The following UMAD1 variants were observed in gnomAD, a reference collection of about 807,000 sequenced individuals.
UMAD1 encodes UBAP1-MVB12-associated (UMA) domain containing 1, also known as UBAP1-MVB12-associated (UMA)-domain containing protein 1.
UMAD1 carries 8 observed loss-of-function variants against 6.1 expected under a neutral mutation model. The ratio of observed to expected loss-of-function variants is 1.30; its 90% confidence interval spans 0.76 to 2.35. The LOEUF (loss-of-function observed/expected upper bound fraction) is 2.35, where lower values mean the gene tolerates loss of function less well. Ranked by LOEUF, UMAD1 falls within the 30% of genes most tolerant of loss-of-function variation. The pLI is 0.00. For missense variants in UMAD1, 130 were observed against 78.4 expected (o/e 1.66, Z -2.49); for synonymous variants, 56 against 31.4 (o/e 1.78, Z -2.61).
intron 3 of UMAD1, among the ~76,000 whole-genome samples, chr7:7,866,901 A>G (rs546431434): frequency 1.3e-5 from 2 of 152,304 alleles, no homozygotes; most frequent in South Asian, 2.1e-4. Flanking sequence ...TTCCAGGAAG[A>G]AGACCTTAGT....
At chr7:7,850,289 C>A (rs954728133) in intron 3 of UMAD1, among the ~76,000 whole-genome samples, 1 of 152,028 alleles carries the variant, frequency 6.6e-6, no homozygotes, top group Non-Finnish European at 1.5e-5. Flanking sequence ...TTACATCATT[C>A]TTTCAAACAT....
chr7:7,720,692 TATTTTTATTTAAAC>T (rs1563154089), intron 2 of UMAD1, among the ~76,000 whole-genome samples: 1 of 152,218 alleles, frequency 6.6e-6, no homozygotes, highest in East Asian at 1.9e-4. Flanking sequence ...TTTTTTTGTG[TATTTTTATTTAAAC>T]ATTTTTATTA....
At chr7:7,842,619 A>ATTT (rs1563251859) in intron 3 of UMAD1, among the ~76,000 whole-genome samples, 149 of 146,960 alleles carry the variant, frequency 1.0e-3, no homozygotes, top group Middle Eastern at 3.6e-3. Flanking sequence ...CCTTTTTTTA[A>ATTT]AAAAAAAAAA....
chr7:7,705,737 T>C (rs1780582532), intron 2 of UMAD1, among the ~76,000 whole-genome samples: 1 of 152,172 alleles, frequency 6.6e-6, no homozygotes, highest in Non-Finnish European at 1.5e-5. Context: ...TATAAATTTG[T>C]CCAAACTCAT....
intron 3 of UMAD1, among the ~76,000 whole-genome samples, chr7:7,846,069 G>T (rs1188427788): frequency 6.6e-6 from 1 of 152,112 alleles, no homozygotes; most frequent in East Asian, 1.9e-4. Flanking sequence ...CAGTTCTTAA[G>T]AACAGTGTCG....
intron 2 of UMAD1, among the ~76,000 whole-genome samples, chr7:7,747,409 A>G (rs1781592814): frequency 1.3e-5 from 2 of 152,196 alleles, no homozygotes. Flanking sequence ...AGGCAGGGCA[A>G]ATGTTTCCAT....
At chr7:7,845,867 T>A (rs978622738) in intron 3 of UMAD1, among the ~76,000 whole-genome samples, 3 of 152,152 alleles carry the variant, frequency 2.0e-5, no homozygotes, top group Non-Finnish European at 2.9e-5. Context: ...AGCTATCATG[T>A]TAGCATATAA....
chr7:7,769,012 G>A (rs992096227), intron 2 of UMAD1, among the ~76,000 whole-genome samples: 10 of 152,246 alleles, frequency 6.6e-5, no homozygotes, highest in African/African-American at 2.4e-4. Flanking sequence ...GTGACTAAAA[G>A]GACCAGTGCA....
intron 2 of UMAD1, among the ~76,000 whole-genome samples, chr7:7,682,288 A>G (rs1422930575): frequency 2.0e-5 from 3 of 152,192 alleles, no homozygotes; most frequent in Non-Finnish European, 2.9e-5. Context: ...ACACATTGAA[A>G]TATGTAATTT....
intron 1 of UMAD1, among the ~76,000 whole-genome samples, chr7:7,644,124 A>G (rs1785040681): frequency 6.6e-6 from 1 of 152,110 alleles, no homozygotes; most frequent in African/African-American, 2.4e-5. Context: ...TTTTCCCCCA[A>G]TTTGATGGAT....
intron 3 of UMAD1, among the ~76,000 whole-genome samples, chr7:7,815,665 C>A (rs1448561947): frequency 6.6e-6 from 1 of 152,114 alleles, no homozygotes; most frequent in Non-Finnish European, 1.5e-5. Flanking sequence ...GAGAATAAAA[C>A]TGTGTCCAGA....
At chr7:7,699,738 T>C (rs1488233657) in intron 2 of UMAD1, among the ~76,000 whole-genome samples, 1 of 152,238 alleles carries the variant, frequency 6.6e-6, no homozygotes, top group African/African-American at 2.4e-5. Flanking sequence ...CCACAACTTG[T>C]AAGGTTCTGT....
chr7:7,692,957 A>G (rs541060539), intron 2 of UMAD1, among the ~76,000 whole-genome samples: 1 of 152,254 alleles, frequency 6.6e-6, no homozygotes, highest in East Asian at 1.9e-4. Context: ...TTTGTTATGT[A>G]TATTTTATGT....
chr7:7,665,653 C>G (rs1473983600), intron 1 of UMAD1, among the ~76,000 whole-genome samples: 1 of 152,188 alleles, frequency 6.6e-6, no homozygotes, highest in African/African-American at 2.4e-5. Flanking sequence ...CAAGAGTTTC[C>G]TGCTACTCCC....
intron 2 of UMAD1, among the ~76,000 whole-genome samples, chr7:7,686,228 C>T (rs887224877): frequency 3.9e-5 from 6 of 152,102 alleles, no homozygotes; most frequent in African/African-American, 9.7e-5. Context: ...TCAGAAGAAT[C>T]TGATACATAG....
intron 1 of UMAD1, among the ~76,000 whole-genome samples, chr7:7,663,418 T>C (rs1042723344): frequency 3.9e-5 from 6 of 152,310 alleles, no homozygotes; most frequent in African/African-American, 1.2e-4. Flanking sequence ...TCAGTTTAAA[T>C]GTCTTCTCTT....
intron 3 of UMAD1, among the ~76,000 whole-genome samples, chr7:7,820,453 C>G (rs528516684): frequency 2.0e-5 from 3 of 152,174 alleles, no homozygotes; most frequent in African/African-American, 7.2e-5. Context: ...AATTTTCTAA[C>G]AATAAATGAG....
At chr7:7,703,396 C>T (rs1780516836) in intron 2 of UMAD1, among the ~76,000 whole-genome samples, 1 of 152,092 alleles carries the variant, frequency 6.6e-6, no homozygotes, top group Non-Finnish European at 1.5e-5. Flanking sequence ...GAATTTTTAA[C>T]TTTTTAGTAT....
intron 2 of UMAD1, among the ~76,000 whole-genome samples, chr7:7,755,846 T>G (rs975376668): frequency 2.3e-4 from 35 of 152,270 alleles, no homozygotes; most frequent in African/African-American, 8.2e-4. Flanking sequence ...AACATAAAAG[T>G]TAAGAAGGTA....
Sources: gnomAD v4.1 joint callset for allele counts (sites outside exome capture counted in the v4.1 genomes callset) on GRCh38, gnomAD v4.1.1 for gene constraint, MANE v1.5 for transcripts, NCBI Gene and HGNC (gene_info 2026-07-23, HGNC 2026-07-21) for gene names.